Variants in CHEK1 observed in about 807,000 individuals in gnomAD.
CHEK1 encodes serine/threonine-protein kinase Chk1.
In CHEK1, 32 loss-of-function variants were observed where a neutral mutation model predicts 60.2. That is an observed-to-expected ratio of 0.53 (90% CI 0.40 to 0.71). The LOEUF is 0.71. Among genes scored for constraint, CHEK1 ranks in the 30% least tolerant of loss-of-function variants. The pLI, the probability that CHEK1 is intolerant of heterozygous loss-of-function variation, is 0.00. For missense variants in CHEK1, 399 were observed against 564.6 expected (o/e 0.71, Z 2.97); for synonymous variants, 179 against 187.2 (o/e 0.96, Z 0.36).
rs544143238 is a variant in CHEK1 at position 125,644,506 on chromosome 11, A to T, written c.1102-6A>T. ...TTTATTCATTTGTCTTCTGTTTGAC[A>T]TGTAGAACCCCTGGCAGCGGTTGGT... On this transcript the variant is annotated splice_region_variant and splice_polypyrimidine_tract_variant and intron_variant, in intron 10 of 12. Coordinates refer to ENST00000438015, the MANE Select transcript of CHEK1 (RefSeq NM_001114122.3). 4.0e-5 allele frequency: 65 copies of T among 1,613,130 alleles called. 1 individual carries two copies. The South Asian group carries it at 7.0e-4, about 17-fold the overall frequency.
rs778999496 is a variant in CHEK1, at chr11:125,655,733, A to C, written c.*413A>C. 36 of 219,356 alleles carry C rather than the reference A, an allele frequency of 1.6e-4. No individual in the cohort carries two copies. The highest frequency in any genetic ancestry group is 3.7e-5 in the Non-Finnish European group (4 of 109,570). 13.6% of individuals were successfully genotyped at this position (219,356 alleles called of 1,614,324 possible). A position where few individuals can be genotyped will look rare whatever the true frequency, so the allele number is the denominator to read the frequency against. On this transcript the variant is annotated 3_prime_UTR_variant, in exon 13 of 13. Coordinates refer to ENST00000438015, the MANE Select transcript of CHEK1 (RefSeq NM_001114122.3). Reference sequence around the variant, plus strand: ...AATTCTAAGATGAACCAATAAAGACATAATTCTTGTGACTTTTGGACAGTA... The same window carrying C: ...AATTCTAAGATGAACCAATAAAGACCTAATTCTTGTGACTTTTGGACAGTA...
rs1449631098 is a variant in CHEK1, at chr11:125,653,241, G to T, written c.1234-505G>T. Among the ~76,000 whole-genome samples, 1 of 152,016 alleles carries T rather than the reference G, an allele frequency of 6.6e-6. No individual in the cohort carries two copies. The highest frequency in any genetic ancestry group is 2.4e-5 in the African/African-American group (1 of 41,380). The stretch of plus-strand genomic sequence containing the variant: ...TTTTGTTTTGTTTTTTTGAGACAGG[G>T]TCTCGCTCTGTCGCCCATGCTAGAG... On this transcript the variant is annotated intron_variant, in intron 11 of 12. Coordinates refer to ENST00000438015, the MANE Select transcript of CHEK1 (RefSeq NM_001114122.3). This position sits in a 1 kb window ranked among gnomAD's most constrained non-coding sequence, Gnocchi z 4.3.
In CHEK1 at chr11:125,656,234, C is replaced by G. The variant is rs545446097; in HGVS notation, c.*914C>G. On this transcript the variant is annotated 3_prime_UTR_variant, in exon 13 of 13. Coordinates refer to ENST00000438015, the MANE Select transcript of CHEK1 (RefSeq NM_001114122.3). ...GAGGCCTTGGCTCCTGCCTGTAGTC[C>G]CAGCTACTTAGGAGGCTGAGAGAGG... 1 of 214,710 alleles carries G rather than the reference C, an allele frequency of 4.7e-6. No individual in the cohort carries two copies. The highest frequency in any genetic ancestry group is 1.9e-4 in the South Asian group (1 of 5,366). 13.3% of individuals were successfully genotyped at this position (214,710 alleles called of 1,614,324 possible). A position where few individuals can be genotyped will look rare whatever the true frequency, so the allele number is the denominator to read the frequency against.
chr11:125,650,841 T>C (rs533982390), intron 11 of CHEK1, among the ~76,000 whole-genome samples: 9 of 152,328 alleles, frequency 5.9e-5, no homozygotes, highest in Admixed American at 5.9e-4. Context: ...AGAGATTTCC[T>C]TAAATTCTGT....
Position 125,629,450 on chromosome 11 carries a change from G to A in CHEK1, c.414G>A (p.Leu138=). ...ATATTAAACCAGAAAATCTTCTGTT[G>A]GATGAAAGGGGTAAGTTTAGCATTT... is the stretch of plus-strand genomic sequence containing the variant. The part of the protein sequence containing the change: ...HRDIKPENLL[L]DERDNLKISD... The change falls in exon 5 of 13, where the codon TTG becomes TTA. Residue 138 remains leucine (L), a synonymous_variant. Transcript: ENST00000438015. 1 of 1,609,994 alleles carries A rather than the reference G, an allele frequency of 6.2e-7. No homozygotes were observed. Among genetic ancestry groups the A allele is most frequent in the Non-Finnish European group, 8.5e-7 (1 of 1,176,836 alleles).
intron 11 of CHEK1, among the ~76,000 whole-genome samples, chr11:125,647,584 T>G (rs1941551064): frequency 6.6e-6 from 1 of 152,162 alleles, no homozygotes; most frequent in African/African-American, 2.4e-5. Flanking sequence ...TTAAAAGAGA[T>G]TACATTGGGG....
downstream of CHEK1, among the ~76,000 whole-genome samples, chr11:125,679,793 A>G (rs562323584): frequency 6.6e-6 from 1 of 152,358 alleles, no homozygotes; most frequent in African/African-American, 2.4e-5. Flanking sequence ...AGTACTTACA[A>G]TCAGTGACTT....
intron 13 of CHEK1, among the ~76,000 whole-genome samples, chr11:125,666,045 T>TA (rs1337787127): frequency 1.3e-5 from 2 of 151,578 alleles, no homozygotes; most frequent in East Asian, 1.9e-4. Flanking sequence ...TTGATTTTTT[T>TA]AAAAAAATTT....
At chr11:125,643,149 A>G (rs980276688) in intron 8 of CHEK1, 2 of 152,162 alleles carry the variant, frequency 1.3e-5, no homozygotes, top group African/African-American at 4.8e-5. Flanking sequence ...TTGTCTTCAT[A>G]GAACATTGTT....
chr11:125,668,204 C>G (rs1284714442), intron 13 of CHEK1, among the ~76,000 whole-genome samples: 1 of 152,152 alleles, frequency 6.6e-6, no homozygotes, highest in African/African-American at 2.4e-5. Context: ...TTTCCCCTTG[C>G]CTGTGTTCAA....
downstream of CHEK1, among the ~76,000 whole-genome samples, chr11:125,658,809 C>G (rs1167916759): frequency 2.0e-5 from 3 of 150,980 alleles, no homozygotes; most frequent in African/African-American, 4.9e-5. Context: ...TCCACCTCAG[C>G]CTTCTGAGCT....
intron 11 of CHEK1, among the ~76,000 whole-genome samples, chr11:125,652,309 G>A (rs1024660798): frequency 6.6e-6 from 1 of 152,106 alleles, no homozygotes; most frequent in Non-Finnish European, 1.5e-5. Flanking sequence ...ATTCAGCTAG[G>A]CTGAGCGTCT....
intron 1 of CHEK1, 136 bp downstream of exon 1, chr11:125,626,148 C>G: frequency 4.9e-6 from 3 of 610,248 alleles, no homozygotes; most frequent in Non-Finnish European, 8.9e-6. Flanking sequence ...TGCGGAGGGG[C>G]GGTTTCGGAG....
chr11:125,640,411 G>T (rs1316151933), intron 8 of CHEK1, among the ~76,000 whole-genome samples: 2 of 151,976 alleles, frequency 1.3e-5, no homozygotes, highest in Non-Finnish European at 2.9e-5. Flanking sequence ...CGAGGTGGCG[G>T]TCGCCTGTAG....
chr11:125,634,897 C>G (rs1941004995), intron 6 of CHEK1, among the ~76,000 whole-genome samples: 1 of 151,910 alleles, frequency 6.6e-6, no homozygotes, highest in Non-Finnish European at 1.5e-5. Flanking sequence ...ACTTATCTCT[C>G]CTGTGTATCA....
intron 11 of CHEK1, 27 bp downstream of exon 11, chr11:125,644,670 C>G: frequency 6.2e-7 from 1 of 1,601,426 alleles, no homozygotes; most frequent in Non-Finnish European, 8.5e-7. Flanking sequence ...TTCATTATAC[C>G]TTTTCCTGAA....
intron 12 of CHEK1, among the ~76,000 whole-genome samples, chr11:125,654,537 G>A (rs897801893): frequency 2.6e-5 from 4 of 151,894 alleles, no homozygotes; most frequent in Admixed American, 2.6e-4. Flanking sequence ...ATAATTCTGT[G>A]ATTGCTATTT....
At chr11:125,680,129 A>G (rs184991560), downstream of CHEK1, among the ~76,000 whole-genome samples, 26 of 152,354 alleles carry the variant, frequency 1.7e-4, no homozygotes, top group Admixed American at 1.4e-3. Context: ...AGTCGACATT[A>G]TAGAAAATAC....
downstream of CHEK1, among the ~76,000 whole-genome samples, chr11:125,679,228 T>TTTTTTTTTG (rs1454887323): frequency 6.9e-6 from 1 of 145,560 alleles, no homozygotes; most frequent in African/African-American, 2.6e-5. Flanking sequence ...TTTTTTTTTT[T>TTTTTTTTTG]TGTTTCAAAG....
Sources: gnomAD v4.1 joint callset for allele counts (sites outside exome capture counted in the v4.1 genomes callset) on GRCh38, gnomAD v4.1.1 for gene constraint, Gnocchi (gnomAD v3.1) non-coding constraint, MANE v1.5 for transcripts, NCBI Gene and HGNC (gene_info 2026-07-23, HGNC 2026-07-21) for gene names.